Variants in CNTN5 observed in about 807,000 individuals in gnomAD.
The protein encoded by CNTN5 is contactin 5.
In CNTN5, 77 loss-of-function variants were observed where a neutral mutation model predicts 129.1. The ratio of observed to expected loss-of-function variants is 0.60; its 90% CI spans 0.50 to 0.72. The LOEUF is 0.72. Among genes scored for constraint, CNTN5 ranks in the 30% least tolerant of loss-of-function variants. The probability of loss-of-function intolerance (pLI) is 0.00; values close to 1 mark genes in which losing one functional copy is unlikely to be tolerated. For missense variants in CNTN5, 1,478 were observed against 1,328.8 expected, an observed-to-expected ratio of 1.11 and a Z score of -1.75; for synonymous variants, 509 against 465.6, an observed-to-expected ratio of 1.09 and a Z score of -1.20.
At chr11:99,788,071 G>T (rs993677865) in intron 3 of CNTN5, among the ~76,000 whole-genome samples, 5 of 151,864 alleles carry the variant, frequency 3.3e-5, no homozygotes, top group Non-Finnish European at 7.4e-5. Flanking sequence ...ATGATCAAAA[G>T]AATACAAAAT....
chr11:100,271,485 T>G (rs1218641365), intron 18 of CNTN5, among the ~76,000 whole-genome samples: 1 of 152,230 alleles, frequency 6.6e-6, no homozygotes, highest in Non-Finnish European at 1.5e-5. Context: ...ATCCTTGTAC[T>G]CATCTTCAGG....
Position 99,556,162 on chromosome 11 carries a change from A to G in CNTN5, c.-53A>G. Reference sequence around the variant, plus strand: ...TCAAACAGGGCACTCTTTAATGAAGAAACACCAGAGCTGTTAAACACATTG... The same window carrying G: ...TCAAACAGGGCACTCTTTAATGAAGGAACACCAGAGCTGTTAAACACATTG... On this transcript the variant is annotated 5_prime_UTR_variant, in exon 3 of 25. Coordinates refer to ENST00000524871, the MANE Select transcript of CNTN5 (RefSeq NM_014361.4). 9.4e-7 allele frequency: 1 copy of G among 1,065,362 alleles called. No individual in the cohort carries two copies. The highest frequency in any genetic ancestry group is 1.3e-6 in the Non-Finnish European group (1 of 757,050). 66.0% of individuals were successfully genotyped at this position (1,065,362 alleles called of 1,614,324 possible). A position where few individuals can be genotyped will look rare whatever the true frequency, so the allele number is the denominator to read the frequency against.
intron 1 of CNTN5, among the ~76,000 whole-genome samples, chr11:99,244,877 A>G (rs1040563670): frequency 6.6e-6 from 1 of 152,186 alleles, no homozygotes; most frequent in African/African-American, 2.4e-5. Context: ...GGGTTTATTT[A>G]TACTCAACAC....
intron 4 of CNTN5, among the ~76,000 whole-genome samples, chr11:99,841,012 T>C (rs1947471057): frequency 6.6e-6 from 1 of 152,178 alleles, no homozygotes; most frequent in African/African-American, 2.4e-5. Context: ...TAGACATGTT[T>C]CTTTTCCCCC....
intron 3 of CNTN5, among the ~76,000 whole-genome samples, chr11:99,703,550 T>A (rs1395233255): frequency 1.3e-5 from 2 of 150,934 alleles, no homozygotes; most frequent in African/African-American, 4.8e-5. Flanking sequence ...GAGGTAAGTG[T>A]TACTGTTTCT....
chr11:99,174,804 CTTA>C (rs1479004357), intron 1 of CNTN5, among the ~76,000 whole-genome samples: 1 of 151,682 alleles, frequency 6.6e-6, no homozygotes, highest in Non-Finnish European at 1.5e-5. Context: ...CATTAATTAA[CTTA>C]TTAATGCGGT....
rs192977483 is a variant in CNTN5 at position 100,347,815 on chromosome 11, C to T, written c.3031-2887C>T. Among the ~76,000 whole-genome samples, 22 of 152,124 alleles carry T rather than the reference C, an allele frequency of 1.4e-4. No homozygotes were observed. In the East Asian group the frequency reaches 3.9e-3, roughly 27 times the overall value. ...GAGCAGTTGTACCCATCAATTCTTC[C>T]GAAGATGCTCAGCAGAGGAATAGGC... On this transcript the variant is annotated intron_variant, in intron 23 of 24. Coordinates refer to ENST00000524871, the MANE Select transcript of CNTN5 (RefSeq NM_014361.4).
At chr11:99,304,009 T>C (rs1219554344) in intron 1 of CNTN5, among the ~76,000 whole-genome samples, 1 of 152,148 alleles carries the variant, frequency 6.6e-6, no homozygotes, top group African/African-American at 2.4e-5. Context: ...TTAATGTCTG[T>C]CTCAACACCA....
chr11:99,561,189 C>T (rs1304522773), intron 3 of CNTN5, among the ~76,000 whole-genome samples: 1 of 151,914 alleles, frequency 6.6e-6, no homozygotes, highest in Non-Finnish European at 1.5e-5. Context: ...CAAACCAAAA[C>T]CAAAACAAAA....
chr11:99,620,986 T>TG (rs34652067), intron 3 of CNTN5, among the ~76,000 whole-genome samples: 67,517 of 150,158 alleles, frequency 0.45, 15,832 homozygotes, highest in Admixed American at 0.59. Context: ...CTATTTTTTT[T>TG]CATTCAAACA....
chr11:99,992,465 C>T (rs1272502136), intron 8 of CNTN5, among the ~76,000 whole-genome samples: 1 of 152,134 alleles, frequency 6.6e-6, no homozygotes. Context: ...TACTCTAATC[C>T]TCAGAAGGAC....
chr11:100,358,830 C>G lies in CNTN5; in HGVS notation c.*2610C>G, dbSNP rs1164577940. The G allele has an allele frequency of 6.6e-6, 1 of 151,858 alleles. No individual in the cohort carries two copies. The highest frequency in any genetic ancestry group is 1.5e-5 in the Non-Finnish European group (1 of 67,868). The allele number at this position is 151,858 out of a possible 1,614,324, so 9.4% of individuals were successfully genotyped here. ...CACAGTCAAATAATAGTTCTGTGTA[C>G]TGTTCTTGTAACATTAGATCTTTTT... On this transcript the variant is annotated 3_prime_UTR_variant, in exon 25 of 25. Transcript: ENST00000524871.
intron 2 of CNTN5, among the ~76,000 whole-genome samples, chr11:99,328,901 G>GAA (rs1865894221): frequency 7.5e-6 from 1 of 132,900 alleles, no homozygotes; most frequent in African/African-American, 3.0e-5. Context: ...AAAAAAACAG[G>GAA]AAAAAGAAAA....
intron 7 of CNTN5, among the ~76,000 whole-genome samples, chr11:99,924,833 T>A (rs1430298988): frequency 6.6e-6 from 1 of 152,218 alleles, no homozygotes; most frequent in Non-Finnish European, 1.5e-5. Context: ...TTGAACAGTT[T>A]CAATGCAGTT....
At chr11:99,625,899 A>ATT (rs1476786417) in intron 3 of CNTN5, among the ~76,000 whole-genome samples, 3 of 37,500 alleles carry the variant, frequency 8.0e-5, no homozygotes, top group Admixed American at 4.4e-4. Flanking sequence ...TAAGGGCAAG[A>ATT]TTATATATAT....
At chr11:99,567,093 A>G (rs1949029638) in intron 3 of CNTN5, among the ~76,000 whole-genome samples, 1 of 152,108 alleles carries the variant, frequency 6.6e-6, no homozygotes, top group Non-Finnish European at 1.5e-5. Flanking sequence ...TAAGTAAAGT[A>G]TTTTTTTCTT....
chr11:99,580,120 G>A lies in CNTN5; in HGVS notation c.55+23851G>A, dbSNP rs181757337. Among the ~76,000 whole-genome samples, 347 of 152,246 alleles carry A rather than the reference G, an allele frequency of 2.3e-3. 4 individuals are homozygous for A. Among genetic ancestry groups the A allele is most frequent in the Non-Finnish European group, 2.9e-3 (197 of 68,034 alleles). Reference sequence around the variant, plus strand: ...TTTTTGTCTTTGGTTCTGTTTAGACGCTGGATTACATTTATTGATTTGGGT... The same window carrying A: ...TTTTTGTCTTTGGTTCTGTTTAGACACTGGATTACATTTATTGATTTGGGT... On this transcript the variant is annotated intron_variant, in intron 3 of 24. Coordinates refer to ENST00000524871, the MANE Select transcript of CNTN5 (RefSeq NM_014361.4).
chr11:99,460,559 T>C (rs1185471486), intron 2 of CNTN5, among the ~76,000 whole-genome samples: 1 of 152,012 alleles, frequency 6.6e-6, no homozygotes, highest in Admixed American at 6.6e-5. Context: ...ATTAGATACA[T>C]CTTGTGAAGC....
intron 13 of CNTN5, among the ~76,000 whole-genome samples, chr11:100,182,560 T>A (rs1948170839): frequency 6.6e-6 from 1 of 152,088 alleles, no homozygotes; most frequent in Admixed American, 6.6e-5. Context: ...AAGTTCATCA[T>A]TTCAAAATCA....
Sources: gnomAD v4.1 joint callset for allele counts (sites outside exome capture counted in the v4.1 genomes callset) on GRCh38, gnomAD v4.1.1 for gene constraint, MANE v1.5 for transcripts, NCBI Gene and HGNC (gene_info 2026-07-23, HGNC 2026-07-21) for gene names.